SCARA3: variants seen among roughly 807,000 people sequenced by gnomAD.
SCARA3 encodes scavenger receptor class A member 3, also known as cellular stress response gene protein.
In SCARA3, 39 loss-of-function variants were observed where a neutral mutation model predicts 47.0. The ratio of observed to expected loss-of-function variants is 0.83; its 90% CI spans 0.64 to 1.08. The LOEUF is 1.08. SCARA3 is among the 50% of genes least tolerant of loss of function. The pLI is 0.00. For synonymous variants in SCARA3, 356 were observed against 334.1 expected (o/e 1.07, Z -0.71); for missense variants, 724 against 792.3 (o/e 0.91, Z 1.04).
the SCARA3 span, among the ~76,000 whole-genome samples, chr8:27,695,006 T>C: frequency 6.6e-6 from 1 of 151,982 alleles, no homozygotes; most frequent in African/African-American, 2.4e-5. Flanking sequence ...CAAGGTAAGA[T>C]CGTGTAGGAT....
chr8:27,634,031 G>C lies in SCARA3; in HGVS notation c.-170G>C, dbSNP rs1801191848. The C allele has an allele frequency of 2.3e-6, 1 of 427,816 alleles. No individual in the cohort carries two copies. The highest frequency in any genetic ancestry group is 2.1e-5 in the African/African-American group (1 of 48,074). 26.5% of individuals were successfully genotyped at this position (427,816 alleles called of 1,614,324 possible). ...CCCCGCGGGACCCTCCACTCCTCCCGCCGCCTCCGCAGCCCGCGCGCCGGA... is the reference window on the plus strand; with the variant it reads ...CCCCGCGGGACCCTCCACTCCTCCCCCCGCCTCCGCAGCCCGCGCGCCGGA... On this transcript the variant is annotated 5_prime_UTR_variant, in exon 1 of 6. Coordinates refer to ENST00000301904, the MANE Select transcript of SCARA3 (RefSeq NM_016240.3).
intron 5 of SCARA3, among the ~76,000 whole-genome samples, chr8:27,669,694 G>T (rs1474062896): frequency 6.6e-6 from 1 of 152,254 alleles, no homozygotes; most frequent in Non-Finnish European, 1.5e-5. Flanking sequence ...GCAGGGAACC[G>T]ACTGGAAGGT....
intron 5 of SCARA3, among the ~76,000 whole-genome samples, chr8:27,663,719 G>C (rs1285709160): frequency 6.6e-6 from 1 of 152,100 alleles, no homozygotes; most frequent in Non-Finnish European, 1.5e-5. Flanking sequence ...GGATTGTACT[G>C]ATTCACCTAC....
chr8:27,668,384 C>T (rs34835903), intron 5 of SCARA3, among the ~76,000 whole-genome samples: 40 of 149,836 alleles, frequency 2.7e-4, no homozygotes, highest in Non-Finnish European at 4.7e-4. Context: ...ACTAAAAATA[C>T]AAAAAATTAG....
chr8:27,682,341 A>G, the SCARA3 span, among the ~76,000 whole-genome samples: 3 of 152,310 alleles, frequency 2.0e-5, no homozygotes, highest in South Asian at 2.1e-4. Flanking sequence ...GGAAAATACT[A>G]TCATGAACTT....
intron 5 of SCARA3, among the ~76,000 whole-genome samples, chr8:27,664,913 T>C (rs1386845872): frequency 6.6e-6 from 1 of 152,198 alleles, no homozygotes; most frequent in African/African-American, 2.4e-5. Flanking sequence ...TCTCTCCTGG[T>C]TGTTAAAGTC....
chr8:27,662,698 A>G (rs1164867064), intron 5 of SCARA3, among the ~76,000 whole-genome samples: 1 of 152,214 alleles, frequency 6.6e-6, no homozygotes, highest in Non-Finnish European at 1.5e-5. Flanking sequence ...GTGCCATGTC[A>G]GAGACTCAGT....
At chr8:27,709,706 G>A in the SCARA3 span, among the ~76,000 whole-genome samples, 1 of 152,192 alleles carries the variant, frequency 6.6e-6, no homozygotes, top group African/African-American at 2.4e-5. Context: ...GCCAGGGCTG[G>A]AGCCAGGAAA....
intron 5 of SCARA3, among the ~76,000 whole-genome samples, chr8:27,663,101 C>A (rs1801945419): frequency 1.3e-5 from 2 of 152,226 alleles, no homozygotes; most frequent in Admixed American, 1.3e-4. Context: ...CAATTGGCCA[C>A]AGCCCATGGA....
chr8:27,710,160 G>A, the SCARA3 span, among the ~76,000 whole-genome samples: 1 of 151,180 alleles, frequency 6.6e-6, no homozygotes, highest in East Asian at 1.9e-4. Context: ...AACCTGGGAG[G>A]CAGAGGCTGC....
chr8:27,726,408 A>C, the SCARA3 span, among the ~76,000 whole-genome samples: 714 of 152,290 alleles, frequency 4.7e-3, 7 homozygotes, highest in African/African-American at 0.017. Flanking sequence ...ATTGTCTCTT[A>C]AAAACAACAG....
At chr8:27,635,141 A>G (rs1466645956) in intron 1 of SCARA3, among the ~76,000 whole-genome samples, 5 of 152,190 alleles carry the variant, frequency 3.3e-5, no homozygotes, top group African/African-American at 1.2e-4. Flanking sequence ...CAGGGCTCTC[A>G]ACCACACTCT....
At chr8:27,710,956 C>G in the SCARA3 span, among the ~76,000 whole-genome samples, 818 of 123,028 alleles carry the variant, frequency 6.6e-3, 3 homozygotes, top group Middle Eastern at 0.016. Context: ...GAGTTCCCCT[C>G]TTGTTGCCCA....
chr8:27,653,761 C>T (rs935194434), intron 3 of SCARA3, among the ~76,000 whole-genome samples: 4 of 151,980 alleles, frequency 2.6e-5, no homozygotes, highest in African/African-American at 9.7e-5. Context: ...TACTGGGGAC[C>T]AAGAACTATA....
chr8:27,707,264 T>A, the SCARA3 span, among the ~76,000 whole-genome samples: 1 of 152,066 alleles, frequency 6.6e-6, no homozygotes, highest in Non-Finnish European at 1.5e-5. Flanking sequence ...TTGAGTGGGG[T>A]TGAAGTCCCC....
chr8:27,693,294 T>G, the SCARA3 span, among the ~76,000 whole-genome samples: 1 of 152,222 alleles, frequency 6.6e-6, no homozygotes, highest in Non-Finnish European at 1.5e-5. Flanking sequence ...AACTGTAGCC[T>G]GACAACATTG....
At chr8:27,655,696 T>C (rs1801728502) in intron 3 of SCARA3, among the ~76,000 whole-genome samples, 1 of 152,218 alleles carries the variant, frequency 6.6e-6, no homozygotes, top group African/African-American at 2.4e-5. Context: ...TACTTATATT[T>C]ATATATCAAG....
At position 27,671,767 on chromosome 8, in the gene SCARA3, C is replaced by T. The variant is rs1036706; in HGVS notation, c.*416C>T. On this transcript the variant is annotated 3_prime_UTR_variant, in exon 6 of 6. Coordinates refer to ENST00000301904, the MANE Select transcript of SCARA3 (RefSeq NM_016240.3). The stretch of plus-strand genomic sequence containing the variant: ...ATATATGCACAGGCACACACATGTA[C>T]GCACACACACATGCACTGCACACAT... The T allele has an allele frequency of 0.069, 69,427 of 1,000,692 alleles. 2,589 individuals carry two copies. The highest frequency in any genetic ancestry group is 0.2 in the East Asian group (2,023 of 9,988). 62.0% of individuals were successfully genotyped at this position (1,000,692 alleles called of 1,614,324 possible).
the SCARA3 span, among the ~76,000 whole-genome samples, chr8:27,688,805 C>G: frequency 6.6e-6 from 1 of 152,144 alleles, no homozygotes; most frequent in African/African-American, 2.4e-5. Context: ...CTTTAAACAT[C>G]TAAAGTAGGT....
Sources: allele counts gnomAD v4.1 joint callset (sites outside exome capture counted in the v4.1 genomes callset), GRCh38; gene constraint gnomAD v4.1.1; transcripts MANE v1.5; gene names NCBI Gene and HGNC (gene_info 2026-07-23, HGNC 2026-07-21).